UBP1: variants seen among roughly 807,000 people sequenced by gnomAD.
The protein encoded by UBP1 is upstream binding protein 1.
Under a neutral mutation model 76.1 loss-of-function variants are expected in UBP1, and 22 were observed. That is an observed-to-expected ratio of 0.29 (90% CI 0.21 to 0.41). The LOEUF is 0.41. Ranked by LOEUF, UBP1 falls within the 10% of genes least tolerant of loss-of-function variation. The pLI, the probability that UBP1 is intolerant of heterozygous loss-of-function variation, is 1.00. For missense variants in UBP1, 436 were observed against 668.1 expected, an observed-to-expected ratio of 0.65 and a Z score of 3.83; for synonymous variants, 224 against 237.1, an observed-to-expected ratio of 0.94 and a Z score of 0.51.
intron 1 of UBP1, among the ~76,000 whole-genome samples, chr3:33,429,128 A>C (rs1247036307): frequency 1.3e-5 from 2 of 152,226 alleles, no homozygotes; most frequent in African/African-American, 4.8e-5. Context: ...GCCAGCATCT[A>C]GCACAAAGGA....
Position 33,393,391 on chromosome 3 carries a change from A to C in UBP1, c.1454T>G (p.Val485Gly). ...AATTTGGTGGAGAGGGATATTAAAC[A>C]CCAGCGCAAGTTTTCGAGCAACTTC... Reference protein sequence around the residue: ...ASEVARKLALVFNIPLHQINQ... With the variant: ...ASEVARKLALGFNIPLHQINQ... Residue 485 changes from valine (V) to glycine (G), a missense_variant, in exon 14 of 16, where the codon GTG (valine) becomes GGG (glycine). This residue lies in a region of UBP1 where 210 missense variants were observed against 272.8 expected (regional missense o/e 0.77). Coordinates refer to ENST00000283629, the MANE Select transcript of UBP1 (RefSeq NM_014517.5). 6.2e-7 allele frequency: 1 copy of C among 1,613,718 alleles called. No homozygotes were observed. Among genetic ancestry groups the C allele is most frequent in the East Asian group, 2.2e-5 (1 of 44,862 alleles).
chr3:33,418,132 A>T (rs1447507475), intron 2 of UBP1, among the ~76,000 whole-genome samples: 1 of 152,272 alleles, frequency 6.6e-6, no homozygotes, highest in Non-Finnish European at 1.5e-5. Flanking sequence ...AATGAAGAAT[A>T]TAAAGTTTTG....
intron 5 of UBP1, among the ~76,000 whole-genome samples, 167 bp from the exon 6 acceptor site, chr3:33,409,768 A>G (rs1271171062): frequency 6.6e-6 from 1 of 152,236 alleles, no homozygotes; most frequent in Non-Finnish European, 1.5e-5. Context: ...TTTTTAAGAT[A>G]TGGCTTCCCT....
At position 33,408,769 on chromosome 3, in the gene UBP1, G is replaced by C; in HGVS notation, c.848C>G (p.Ala283Gly). ...GGACTTTTTCTGCTCATGTTCAACT[G>C]CATCTTCAATTATAGGCTCAAGCCT... is the stretch of plus-strand genomic sequence containing the variant. The part of the protein sequence containing the change: ...EMRLEPIIED[A>G]VEHEQKKSSK... Residue 283 changes from alanine (A) to glycine (G), a missense_variant, in exon 8 of 16, where the codon GCA becomes GGA. Physicochemically the swap from Ala to Gly is moderately conservative, Grantham distance 60 (BLOSUM62 0). This residue lies in a region of UBP1 where 65 missense variants were observed against 157.4 expected (regional missense o/e 0.41). Transcript: ENST00000283629. The C allele has an allele frequency of 6.2e-7, 1 of 1,613,838 alleles. No homozygotes were observed. Among genetic ancestry groups the C allele is most frequent in the Non-Finnish European group, 8.5e-7 (1 of 1,179,878 alleles).
At chr3:33,433,450 C>G (rs1039281268) in intron 1 of UBP1, among the ~76,000 whole-genome samples, 2 of 150,290 alleles carry the variant, frequency 1.3e-5, no homozygotes, top group Admixed American at 6.6e-5. Context: ...GTCAGGAGCT[C>G]GAGACCAGCC....
In UBP1 at chr3:33,398,636, G is replaced by A. The variant is rs112846324; in HGVS notation, c.1181-1501C>T. ...CAAAGGGTACCATGGCTAGCTCCTCGCCCACTTTCTTGGAAGAAGCCCCCA... is the reference window on the plus strand; with the variant it reads ...CAAAGGGTACCATGGCTAGCTCCTCACCCACTTTCTTGGAAGAAGCCCCCA... On this transcript the variant is annotated intron_variant, in intron 11 of 15. Transcript: ENST00000283629. Among the ~76,000 whole-genome samples, 150 of 152,262 alleles carry A rather than the reference G, an allele frequency of 9.9e-4. No homozygotes were observed. The East Asian group carries it at 0.014, about 14-fold the overall frequency.
At chr3:33,415,488 A>G (rs1206501738) in intron 3 of UBP1, among the ~76,000 whole-genome samples, 1 of 152,254 alleles carries the variant, frequency 6.6e-6, no homozygotes, top group Non-Finnish European at 1.5e-5. Flanking sequence ...TGAAGTTGGC[A>G]TGAGAACTTA....
chr3:33,418,818 C>T (rs568394369), intron 2 of UBP1, among the ~76,000 whole-genome samples: 57 of 147,260 alleles, frequency 3.9e-4, no homozygotes, highest in Middle Eastern at 3.5e-3. Context: ...GAGATTGCAC[C>T]GCTGCACTAC....
intron 9 of UBP1, among the ~76,000 whole-genome samples, chr3:33,402,476 T>C (rs951012685): frequency 7.2e-5 from 11 of 152,248 alleles, no homozygotes; most frequent in Admixed American, 3.3e-4. Context: ...AAACTCACTT[T>C]GTCCCTCTCT....
chr3:33,413,295 C>T (rs1455911371), intron 3 of UBP1, among the ~76,000 whole-genome samples: 1 of 151,090 alleles, frequency 6.6e-6, no homozygotes, highest in East Asian at 2.0e-4. Context: ...ACCTGTAATC[C>T]CAGCACTTTG....
chr3:33,390,604 C>A, intron 15 of UBP1: 1 of 562,752 alleles, frequency 1.8e-6, no homozygotes, highest in South Asian at 2.1e-5. Context: ...CGCCCGCATT[C>A]CAACACTGTC....
intron 1 of UBP1, 86 bp from the exon 2 acceptor site, chr3:33,425,827 G>T (rs2045000926): frequency 8.1e-7 from 1 of 1,235,034 alleles, no homozygotes; most frequent in Non-Finnish European, 1.1e-6. Context: ...ACCCAATCTT[G>T]TCTGAAATAT....
chr3:33,396,597 A>G (rs754851590), intron 12 of UBP1: 2 of 405,318 alleles, frequency 4.9e-6, no homozygotes, highest in Non-Finnish European at 9.3e-6. Flanking sequence ...TCACACCACA[A>G]GTATAGAAAG....
At chr3:33,429,195 G>C (rs1371336853) in intron 1 of UBP1, among the ~76,000 whole-genome samples, 1 of 152,120 alleles carries the variant, frequency 6.6e-6, no homozygotes, top group Non-Finnish European at 1.5e-5. Flanking sequence ...CAACCAATTA[G>C]TATTAAGATT....
At chr3:33,436,806 T>C (rs932929653) in intron 1 of UBP1, among the ~76,000 whole-genome samples, 1 of 152,198 alleles carries the variant, frequency 6.6e-6, no homozygotes, top group Non-Finnish European at 1.5e-5. Flanking sequence ...TACCATGAGT[T>C]TCAGTCTTCA....
chr3:33,414,485 A>G (rs2044679498), intron 3 of UBP1, among the ~76,000 whole-genome samples: 1 of 152,226 alleles, frequency 6.6e-6, no homozygotes, highest in South Asian at 2.1e-4. Flanking sequence ...ACATTGCTAA[A>G]TATGTTCAGC....
intron 1 of UBP1, among the ~76,000 whole-genome samples, chr3:33,431,509 G>T (rs1156830944): frequency 6.6e-6 from 1 of 151,894 alleles, no homozygotes; most frequent in East Asian, 1.9e-4. Flanking sequence ...AGACTGAGGC[G>T]GGCGGATCAT....
In UBP1 at chr3:33,389,219, A is replaced by AATC. The variant is rs1478889414; in HGVS notation, c.*1109_*1111dup. The AATC allele has an allele frequency of 6.6e-6, 1 of 152,620 alleles. No individual in the cohort carries two copies. The highest frequency in any genetic ancestry group is 1.5e-5 in the Non-Finnish European group (1 of 68,038). 9.5% of individuals were successfully genotyped at this position (152,620 alleles called of 1,614,324 possible). A position where few individuals can be genotyped will look rare whatever the true frequency, so the allele number is the denominator to read the frequency against. On this transcript the variant is annotated 3_prime_UTR_variant, in exon 16 of 16. Coordinates refer to ENST00000283629, the MANE Select transcript of UBP1 (RefSeq NM_014517.5). ...GTATGTGGTGTATAAAAAGCCCCTA[A>AATC]ATCATCACCAGAATGTCTATCCATG...
At position 33,434,420 on chromosome 3, in the gene UBP1, T is replaced by A. The variant is rs182746273; in HGVS notation, c.113+5316A>T. Among the ~76,000 whole-genome samples the A allele has an allele frequency of 3.4e-3, 506 of 147,170 alleles. 3 individuals are homozygous for A. Among genetic ancestry groups the A allele is most frequent in the African/African-American group, 0.012 (471 of 39,924 alleles). On this transcript the variant is annotated intron_variant, in intron 1 of 15. Transcript: ENST00000283629. ...CACAGGCAATTCTCCTGCCTCAGCCTCCCAGTAGCTGCGATTACACGCATG... is the reference window on the plus strand; with the variant it reads ...CACAGGCAATTCTCCTGCCTCAGCCACCCAGTAGCTGCGATTACACGCATG...
Sources: allele counts gnomAD v4.1 joint callset (sites outside exome capture counted in the v4.1 genomes callset), GRCh38; gene constraint gnomAD v4.1.1; regional missense constraint gnomAD v4.1.1; transcripts MANE v1.5; gene names NCBI Gene and HGNC (gene_info 2026-07-23, HGNC 2026-07-21).